The following MEGF10 variants were observed in gnomAD, a reference collection of about 807,000 sequenced individuals.
MEGF10 encodes multiple epidermal growth factor-like domains protein 10.
A neutral mutation model predicts 147.5 loss-of-function variants in MEGF10; 86 were observed. The observed-to-expected ratio is 0.58, with a 90% CI of 0.49 to 0.70. MEGF10 has a LOEUF of 0.70. MEGF10 is among the 30% of genes least tolerant of loss of function. The pLI is 0.00. For missense variants in MEGF10, 1,329 were observed against 1,487.3 expected (o/e 0.89, Z 1.75); for synonymous variants, 478 against 525.5 (o/e 0.91, Z 1.24).
intron 1 of MEGF10, among the ~76,000 whole-genome samples, chr5:127,326,281 G>A (rs1435503410): frequency 1.4e-4 from 21 of 152,092 alleles, no homozygotes; most frequent in Admixed American, 1.4e-3. Context: ...CTGCCATTAT[G>A]TGATTTAATT....
At chr5:127,297,712 C>T (rs73785574) in intron 1 of MEGF10, among the ~76,000 whole-genome samples, 10,849 of 152,264 alleles carry the variant, frequency 0.071, 657 homozygotes, top group African/African-American at 0.16. Context: ...TAGGCACTTA[C>T]AGGACCTGCC....
rs959864264 is a variant in MEGF10, at chr5:127,410,423, G to A, written c.952G>A (p.Val318Ile). 1.9e-5 allele frequency: 30 copies of A among 1,614,104 alleles called. No individual in the cohort carries two copies. The highest frequency in any genetic ancestry group is 5.0e-5 in the Admixed American group (3 of 60,008). ...QDECPVGTYG[V>I]LCAETCQCVN... is the part of the protein sequence containing the mutation. ...TGAGTGTCCTGTTGGGACCTATGGC[G>A]TTCTCTGTGCTGAGACCTGCCAGTG... Residue 318 changes from valine (V) to isoleucine (I), a missense_variant, in exon 9 of 25, where the codon GTT (valine) becomes ATT (isoleucine). Physicochemically the swap from Val to Ile is conservative, Grantham distance 29. Around this residue, in one of 3 missense-constraint regions of MEGF10, gnomAD observed 980 missense variants for 1,085.9 expected, o/e 0.90. Coordinates refer to ENST00000503335, the MANE Select transcript of MEGF10 (RefSeq NM_001256545.2).
chr5:127,258,085 T>C, the MEGF10 span, among the ~76,000 whole-genome samples: 10 of 152,220 alleles, frequency 6.6e-5, no homozygotes, highest in Non-Finnish European at 1.3e-4. Context: ...TGGAGACCCA[T>C]CAATCTGATA....
At chr5:127,318,045 A>G (rs546875570) in intron 1 of MEGF10, among the ~76,000 whole-genome samples, 1 of 152,150 alleles carries the variant, frequency 6.6e-6, no homozygotes, top group Non-Finnish European at 1.5e-5. Flanking sequence ...GTTTCTTGAC[A>G]TTGGTTTTGA....
intron 1 of MEGF10, among the ~76,000 whole-genome samples, chr5:127,320,648 C>T (rs1306740130): frequency 6.6e-6 from 1 of 152,208 alleles, no homozygotes; most frequent in Admixed American, 6.5e-5. Context: ...TCCTGAATGT[C>T]CTGACCAAAT....
At chr5:127,416,636 A>G (rs943618636) in intron 9 of MEGF10, among the ~76,000 whole-genome samples, 19 of 152,206 alleles carry the variant, frequency 1.2e-4, no homozygotes. Context: ...AATTCCAAAA[A>G]TGAGCACCAA....
chr5:127,434,574 C>G (rs1353671688), intron 14 of MEGF10, 113 bp from the exon 15 acceptor site: 15 of 1,192,480 alleles, frequency 1.3e-5, no homozygotes, highest in East Asian at 5.5e-5. Context: ...ATCTTTTTTA[C>G]TTTTTTTTAA....
chr5:127,326,147 T>C (rs760435275), intron 1 of MEGF10, among the ~76,000 whole-genome samples: 113 of 151,918 alleles, frequency 7.4e-4, no homozygotes, highest in Non-Finnish European at 1.1e-3. Context: ...ACTCCTGGGC[T>C]CAAGTCATCC....
At chr5:127,276,403 G>A in the MEGF10 span, among the ~76,000 whole-genome samples, 1 of 152,204 alleles carries the variant, frequency 6.6e-6, no homozygotes, top group Non-Finnish European at 1.5e-5. Context: ...AATTCATTAT[G>A]TGCAGCTTCT....
the MEGF10 span, among the ~76,000 whole-genome samples, chr5:127,235,021 T>A: frequency 1.3e-5 from 2 of 152,244 alleles, no homozygotes; most frequent in East Asian, 3.9e-4. Flanking sequence ...TTTTTTTGTA[T>A]TTTTAGTAGA....
intron 4 of MEGF10, among the ~76,000 whole-genome samples, chr5:127,346,826 A>G (rs1000450326): frequency 6.6e-6 from 1 of 152,204 alleles, no homozygotes; most frequent in Non-Finnish European, 1.5e-5. Context: ...GCTTGAGACC[A>G]GAAGTGTTTC....
intron 1 of MEGF10, among the ~76,000 whole-genome samples, chr5:127,322,084 A>AG (rs1760807735): frequency 6.6e-6 from 1 of 151,626 alleles, no homozygotes; most frequent in African/African-American, 2.4e-5. Flanking sequence ...CAAAAAAAAA[A>AG]AAATAATAAT....
At chr5:127,265,429 A>G in the MEGF10 span, among the ~76,000 whole-genome samples, 1 of 152,126 alleles carries the variant, frequency 6.6e-6, no homozygotes, top group South Asian at 2.1e-4. Context: ...CTTTGGGTAT[A>G]TACCCAGTAA....
At chr5:127,307,364 G>A (rs1760061731) in intron 1 of MEGF10, among the ~76,000 whole-genome samples, 2 of 152,210 alleles carry the variant, frequency 1.3e-5, no homozygotes, top group Non-Finnish European at 2.9e-5. Context: ...TGGTGAGAAT[G>A]GGGTGGGCAG....
the MEGF10 span, among the ~76,000 whole-genome samples, chr5:127,250,987 G>T: frequency 2.6e-3 from 398 of 152,092 alleles, 4 homozygotes; most frequent in African/African-American, 9.3e-3. Flanking sequence ...CAATAATGCA[G>T]ATATGCAGGA....
intron 5 of MEGF10, among the ~76,000 whole-genome samples, chr5:127,389,376 G>T (rs943825349): frequency 6.6e-6 from 1 of 152,200 alleles, no homozygotes; most frequent in African/African-American, 2.4e-5. Flanking sequence ...TCCTCAAAGA[G>T]CTGAAAGCAG....
intron 23 of MEGF10, among the ~76,000 whole-genome samples, chr5:127,454,817 G>T (rs1259713085): frequency 6.6e-6 from 1 of 152,072 alleles, no homozygotes; most frequent in East Asian, 1.9e-4. Context: ...TAAGTCTTTG[G>T]GGAACAAAAG....
chr5:127,380,295 C>G (rs1333639830), intron 5 of MEGF10, among the ~76,000 whole-genome samples: 2 of 152,064 alleles, frequency 1.3e-5, no homozygotes, highest in Admixed American at 1.3e-4. Flanking sequence ...AAGACACTGC[C>G]TCTTCTTTTT....
chr5:127,366,447 A>C (rs1762657098), intron 4 of MEGF10, among the ~76,000 whole-genome samples: 1 of 152,178 alleles, frequency 6.6e-6, no homozygotes, highest in South Asian at 2.1e-4. Context: ...ACTCCATCCC[A>C]ACAATATTTC....
Sources: gnomAD v4.1 joint callset for allele counts (sites outside exome capture counted in the v4.1 genomes callset) on GRCh38, gnomAD v4.1.1 for gene constraint, gnomAD v4.1.1 regional missense constraint, MANE v1.5 for transcripts, NCBI Gene and HGNC (gene_info 2026-07-23, HGNC 2026-07-21) for gene names.